The following KCNH8 variants were observed in gnomAD, a reference collection of about 807,000 sequenced individuals.
KCNH8 encodes the protein voltage-gated delayed rectifier potassium channel KCNH8.
KCNH8 carries 70 observed loss-of-function variants against 103.6 expected under a neutral mutation model. The ratio of observed to expected loss-of-function variants is 0.68; its 90% CI spans 0.56 to 0.82. The LOEUF (loss-of-function observed/expected upper bound fraction) is 0.82, where lower values mean the gene tolerates loss of function less well. KCNH8 is among the 40% of genes least tolerant of loss of function. The pLI, the probability that KCNH8 is intolerant of heterozygous loss-of-function variation, is 0.00. For synonymous variants in KCNH8, 498 were observed against 489.4 expected (o/e 1.02, Z -0.23); for missense variants, 1,217 against 1,329.9 (o/e 0.92, Z 1.32).
intron 11 of KCNH8, among the ~76,000 whole-genome samples, chr3:19,484,025 G>C (rs1452057540): frequency 2.0e-5 from 3 of 151,972 alleles, no homozygotes; most frequent in Non-Finnish European, 4.4e-5. Flanking sequence ...AATTAAGAGA[G>C]TCACATTTCC....
chr3:19,160,566 T>C (rs1025953333), intron 1 of KCNH8, among the ~76,000 whole-genome samples: 3 of 152,160 alleles, frequency 2.0e-5, no homozygotes, highest in African/African-American at 7.2e-5. Flanking sequence ...GTAATTTTAA[T>C]GAAATTATAT....
intron 2 of KCNH8, among the ~76,000 whole-genome samples, chr3:19,261,473 T>C (rs1237901455): frequency 6.6e-6 from 1 of 151,918 alleles, no homozygotes; most frequent in Admixed American, 6.6e-5. Context: ...TTGTACATGT[T>C]CTTTATCAAT....
intron 11 of KCNH8, among the ~76,000 whole-genome samples, chr3:19,466,979 A>G (rs899666012): frequency 1.3e-5 from 2 of 152,122 alleles, no homozygotes; most frequent in Non-Finnish European, 2.9e-5. Context: ...ATTTTTAATT[A>G]AGATATGTAT....
chr3:19,325,649 C>T (rs1460642075), intron 3 of KCNH8, among the ~76,000 whole-genome samples: 1 of 152,190 alleles, frequency 6.6e-6, no homozygotes, highest in Non-Finnish European at 1.5e-5. Flanking sequence ...CATCTCACAA[C>T]AGTCAGAATG....
rs575524003 is a variant in KCNH8, at chr3:19,234,058, G to T, written c.77-19596G>T. On this transcript the variant is annotated intron_variant, in intron 1 of 15. Transcript: ENST00000328405. Reference sequence around the variant, plus strand: ...CCAGCAGGTTGCCACTGCTGGCACCGGCAGCCTGCTTTTATTCTCTTATCT... The same window carrying T: ...CCAGCAGGTTGCCACTGCTGGCACCTGCAGCCTGCTTTTATTCTCTTATCT... Among the ~76,000 whole-genome samples the T allele has an allele frequency of 7.9e-4, 121 of 152,254 alleles. 1 individual carries two copies. Among genetic ancestry groups the T allele is most frequent in the African/African-American group, 2.7e-3 (114 of 41,556 alleles).
chr3:19,280,464 C>T (rs948207468), intron 2 of KCNH8, among the ~76,000 whole-genome samples: 4 of 152,080 alleles, frequency 2.6e-5, no homozygotes, highest in Non-Finnish European at 5.9e-5. Flanking sequence ...TGACTTTTAA[C>T]ATCATAGATT....
chr3:19,426,205 T>C (rs2067026335), intron 7 of KCNH8, among the ~76,000 whole-genome samples: 1 of 152,122 alleles, frequency 6.6e-6, no homozygotes, highest in Non-Finnish European at 1.5e-5. Flanking sequence ...CTGGTGTTCT[T>C]GGACTTCCCT....
At chr3:19,403,361 AAT>A (rs57523893) in intron 7 of KCNH8, among the ~76,000 whole-genome samples, 4,778 of 123,910 alleles carry the variant, frequency 0.039, 138 homozygotes, top group East Asian at 0.064. Context: ...ATATGTAAAG[AAT>A]ATATATATAT....
chr3:19,441,821 G>A (rs2067288909), intron 8 of KCNH8, among the ~76,000 whole-genome samples: 1 of 152,126 alleles, frequency 6.6e-6, no homozygotes, highest in South Asian at 2.1e-4. Flanking sequence ...AGGCTTCCTT[G>A]CATGAGAGAT....
At chr3:19,389,645 T>C (rs1038954767) in intron 5 of KCNH8, among the ~76,000 whole-genome samples, 1 of 152,120 alleles carries the variant, frequency 6.6e-6, no homozygotes, top group African/African-American at 2.4e-5. Flanking sequence ...GTTTTTGTTT[T>C]TGAAACAGGG....
At chr3:19,380,927 A>G (rs1204657329) in intron 5 of KCNH8, among the ~76,000 whole-genome samples, 1 of 152,254 alleles carries the variant, frequency 6.6e-6, no homozygotes, top group Non-Finnish European at 1.5e-5. Context: ...ATTCATAAAA[A>G]TAACTATGAA....
intron 1 of KCNH8, among the ~76,000 whole-genome samples, chr3:19,253,214 C>A (rs1019421868): frequency 6.6e-6 from 1 of 152,136 alleles, no homozygotes; most frequent in Non-Finnish European, 1.5e-5. Flanking sequence ...CCCAAATAAA[C>A]TAATTATGCT....
chr3:19,162,184 A>G (rs1335446737), intron 1 of KCNH8, among the ~76,000 whole-genome samples: 1 of 152,106 alleles, frequency 6.6e-6, no homozygotes, highest in African/African-American at 2.4e-5. Context: ...GCAACTTTTT[A>G]AAAACAAAAC....
intron 1 of KCNH8, among the ~76,000 whole-genome samples, chr3:19,246,778 G>A (rs1442349836): frequency 2.0e-5 from 3 of 152,022 alleles, no homozygotes; most frequent in African/African-American, 7.2e-5. Context: ...TATGAATCTT[G>A]TTAAAATGTG....
At chr3:19,485,837 C>T (rs2068194992) in intron 11 of KCNH8, among the ~76,000 whole-genome samples, 1 of 152,172 alleles carries the variant, frequency 6.6e-6, no homozygotes, top group Non-Finnish European at 1.5e-5. Flanking sequence ...GGTTTTTACA[C>T]TGCCTCTAAT....
intron 2 of KCNH8, among the ~76,000 whole-genome samples, chr3:19,279,580 A>AT (rs1559456236): frequency 2.6e-5 from 4 of 152,006 alleles, no homozygotes; most frequent in African/African-American, 7.3e-5. Flanking sequence ...AAAAAAAAAA[A>AT]AAAATAAGGA....
At position 19,395,228 on chromosome 3, in the gene KCNH8, T is replaced by C; in HGVS notation, c.1094T>C (p.Leu365Pro). ...VLTLLMSMFA[L>P]LAHWMACIWY... Reference sequence around the variant, plus strand: ...ACTCTGCTCATGTCCATGTTTGCACTCCTTGCACACTGGATGGCGTGTATC... The same window carrying C: ...ACTCTGCTCATGTCCATGTTTGCACCCCTTGCACACTGGATGGCGTGTATC... The change falls in exon 7 of 16, where the codon CTC (leucine) becomes CCC (proline). Residue 365 changes from leucine (L) to proline (P), a missense_variant. By Grantham distance (98) the Leu-to-Pro change is moderately conservative. Transcript: ENST00000328405. 1.2e-6 allele frequency: 2 copies of C among 1,609,288 alleles called. No individual in the cohort carries two copies. The highest frequency in any genetic ancestry group is 1.7e-4 in the Middle Eastern group (1 of 6,018).
At chr3:19,409,439 C>A (rs2066742009) in intron 7 of KCNH8, among the ~76,000 whole-genome samples, 1 of 152,044 alleles carries the variant, frequency 6.6e-6, no homozygotes, top group Non-Finnish European at 1.5e-5. Flanking sequence ...CTCACAGACC[C>A]CATAAAGCAA....
intron 11 of KCNH8, among the ~76,000 whole-genome samples, chr3:19,461,199 T>C (rs1045661950): frequency 6.6e-6 from 1 of 152,234 alleles, no homozygotes; most frequent in Non-Finnish European, 1.5e-5. Context: ...ATGAGTTACA[T>C]TTTAAAGGCA....
Sources: gnomAD v4.1 joint callset for allele counts (sites outside exome capture counted in the v4.1 genomes callset) on GRCh38, gnomAD v4.1.1 for gene constraint, MANE v1.5 for transcripts, NCBI Gene and HGNC (gene_info 2026-07-23, HGNC 2026-07-21) for gene names.